Variants in ZMYM1 observed in about 807,000 individuals in gnomAD.
The protein encoded by ZMYM1 is zinc finger MYM-type protein 1.
In ZMYM1, 39 loss-of-function variants were observed where a neutral mutation model predicts 60.0. The observed-to-expected ratio is 0.65, with a 90% CI of 0.50 to 0.85. The LOEUF is 0.85. Among genes scored for constraint, ZMYM1 ranks in the 40% least tolerant of loss-of-function variants. The pLI is 0.00. For synonymous variants in ZMYM1, 413 were observed against 454.0 expected (o/e 0.91, Z 1.15); for missense variants, 1,171 against 1,309.5 (o/e 0.89, Z 1.63).
chr1:35,105,679 C>A (rs187248070), intron 6 of ZMYM1, among the ~76,000 whole-genome samples: 1 of 152,048 alleles, frequency 6.6e-6, no homozygotes, highest in Non-Finnish European at 1.5e-5. Flanking sequence ...AATCATGGCT[C>A]ACTGTAGCCT....
intron 1 of ZMYM1, among the ~76,000 whole-genome samples, chr1:35,070,863 A>G (rs2148478332): frequency 6.6e-6 from 1 of 151,098 alleles, no homozygotes; most frequent in East Asian, 1.9e-4. Flanking sequence ...CTTTTTCTGC[A>G]TATATTGAAA....
chr1:35,065,658 A>G (rs1349042893), intron 1 of ZMYM1, among the ~76,000 whole-genome samples: 1 of 146,416 alleles, frequency 6.8e-6, no homozygotes, highest in Non-Finnish European at 1.5e-5. Context: ...AAGAAGTTAG[A>G]AAAAAAAAAG....
chr1:35,087,149 C>G (rs1642702644), intron 1 of ZMYM1, among the ~76,000 whole-genome samples: 1 of 151,434 alleles, frequency 6.6e-6, no homozygotes, highest in African/African-American at 2.4e-5. Context: ...TGCCACCACA[C>G]CTGACTAATT....
At position 35,087,678 on chromosome 1, in the gene ZMYM1, T is replaced by C. The variant is rs188756791; in HGVS notation, c.-74-6236T>C. On this transcript the variant is annotated intron_variant, in intron 1 of 9. Transcript: ENST00000359858. ...CCCAACCTCAGGTGATCAGCCCGCG[T>C]TGGCCTCCCAAAGTTCTGGGATTAC... Among the ~76,000 whole-genome samples, 587 of 152,214 alleles carry C rather than the reference T, an allele frequency of 3.9e-3. 1 individual carries two copies. The highest frequency in any genetic ancestry group is 0.01 in the Middle Eastern group (3 of 294).
Position 35,062,639 on chromosome 1 carries a change from C to A in ZMYM1, c.-301+2714C>A, listed in dbSNP as rs536018740. ...TGGGCAAATCACTTGCCATTTAAAGCCTTAAATTCTTATCTAATAAATACA... is the reference window on the plus strand; with the variant it reads ...TGGGCAAATCACTTGCCATTTAAAGACTTAAATTCTTATCTAATAAATACA... On this transcript the variant is annotated intron_variant, in intron 1 of 10. Coordinates refer to the ZMYM1 transcript ENST00000417119. Among the ~76,000 whole-genome samples, 4 of 152,290 alleles carry A rather than the reference C, an allele frequency of 2.6e-5. No homozygotes were observed. The East Asian group carries it at 5.8e-4, about 22-fold the overall frequency.
chr1:35,062,422 G>A (rs954943905), intron 1 of ZMYM1, among the ~76,000 whole-genome samples: 31 of 152,198 alleles, frequency 2.0e-4, no homozygotes, highest in African/African-American at 7.0e-4. Flanking sequence ...AGTAATGAAG[G>A]TGATACTATC....
chr1:35,117,465 G>A (rs1644261030), downstream of ZMYM1, among the ~76,000 whole-genome samples: 1 of 151,836 alleles, frequency 6.6e-6, no homozygotes, highest in Non-Finnish European at 1.5e-5. Flanking sequence ...GATTACAGGT[G>A]CCCACCACCA....
intron 4 of ZMYM1, among the ~76,000 whole-genome samples, chr1:35,102,989 T>G (rs1643736830): frequency 6.6e-6 from 1 of 152,228 alleles, no homozygotes; most frequent in Non-Finnish European, 1.5e-5. Flanking sequence ...GAATTTTTTT[T>G]GGCAGTGAAT....
Position 35,113,110 on chromosome 1 carries a change from ATATGAAATC to A in ZMYM1, c.1288_1296del (p.Ser430_Lys432del). The A allele has an allele frequency of 5.0e-6, 8 of 1,614,078 alleles. No homozygotes were observed. Among genetic ancestry groups the A allele is most frequent in the Non-Finnish European group, 6.8e-6 (8 of 1,179,980 alleles). ...TCCAGTACAGAAGTACAAAAAGACA[ATATGAAATC>A]TATGAAAATAAGTGATGAACTATGT... On this transcript the variant is annotated inframe_deletion, in exon 10 of 10. Coordinates refer to ENST00000359858, the MANE Select transcript of ZMYM1 (RefSeq NM_024772.5).
At chr1:35,070,342 C>T (rs763322677) in intron 1 of ZMYM1, among the ~76,000 whole-genome samples, 1 of 151,874 alleles carries the variant, frequency 6.6e-6, no homozygotes, top group Admixed American at 6.6e-5. Flanking sequence ...TTTTTTGTAG[C>T]GATTATAAAT....
intron 1 of ZMYM1, among the ~76,000 whole-genome samples, chr1:35,073,920 A>G (rs926415306): frequency 6.6e-6 from 1 of 151,894 alleles, no homozygotes; most frequent in African/African-American, 2.4e-5. Context: ...CTCAGCTGGG[A>G]TTACAAGTGT....
intron 1 of ZMYM1, among the ~76,000 whole-genome samples, chr1:35,060,170 A>G (rs1471806984): frequency 6.7e-6 from 1 of 148,534 alleles, no homozygotes; most frequent in East Asian, 2.0e-4. Flanking sequence ...TATTATTATT[A>G]TTATTATTAT....
chr1:35,110,260 C>G (rs763293636), intron 6 of ZMYM1, 34 bp from the exon 7 acceptor site: 2 of 1,391,552 alleles, frequency 1.4e-6, no homozygotes, highest in Non-Finnish European at 1.9e-6. Context: ...TATCATATAC[C>G]AGGAATATGA....
chr1:35,071,917 T>A (rs1642074537), intron 1 of ZMYM1, among the ~76,000 whole-genome samples: 1 of 152,160 alleles, frequency 6.6e-6, no homozygotes, highest in African/African-American at 2.4e-5. Context: ...GGCGGGCAGA[T>A]CATCTGAGGT....
rs1203301160 is a variant in ZMYM1, at chr1:35,113,250, G to T, written c.1420G>T (p.Val474Leu). The T allele has an allele frequency of 6.8e-6, 11 of 1,613,130 alleles. No individual in the cohort carries two copies. The highest frequency in any genetic ancestry group is 9.3e-6 in the Non-Finnish European group (11 of 1,179,194). Residue 474 changes from valine to leucine, a missense_variant, in exon 10 of 10, where the codon GTG (valine) becomes TTG (leucine). Val to Leu is a conservative substitution (Grantham distance 32, BLOSUM62 1). Coordinates refer to ENST00000359858, the MANE Select transcript of ZMYM1 (RefSeq NM_024772.5). ...GTGTTTGGAAAACAGTAAAAAAGATGTGGCATTCTGTTATTCATGCCAGTT... is the reference window on the plus strand; with the variant it reads ...GTGTTTGGAAAACAGTAAAAAAGATTTGGCATTCTGTTATTCATGCCAGTT... The part of the protein sequence containing the change: ...FECLENSKKD[V>L]AFCYSCQLFC...
intron 1 of ZMYM1, among the ~76,000 whole-genome samples, chr1:35,084,504 C>T (rs149201997): frequency 4.0e-4 from 61 of 152,324 alleles, no homozygotes; most frequent in Non-Finnish European, 7.6e-4. Flanking sequence ...GATTATAGGT[C>T]TTGTTAAGAC....
At chr1:35,073,336 A>AG (rs776306122) in intron 1 of ZMYM1, among the ~76,000 whole-genome samples, 11,930 of 105,680 alleles carry the variant, frequency 0.11, 632 homozygotes, top group East Asian at 0.36. Flanking sequence ...GGAGAAAGAA[A>AG]GAAAGGAAGG....
intron 1 of ZMYM1, among the ~76,000 whole-genome samples, chr1:35,064,757 G>A (rs1160945457): frequency 6.8e-6 from 1 of 147,926 alleles, no homozygotes; most frequent in East Asian, 2.0e-4. Flanking sequence ...CGTGATCTCG[G>A]CTCACTGCAA....
In ZMYM1 at chr1:35,110,420, A is replaced by G. The variant is rs746212259; in HGVS notation, c.934A>G (p.Ser312Gly). 6.5e-7 allele frequency: 1 copy of G among 1,545,794 alleles called. No individual in the cohort carries two copies. The highest frequency in any genetic ancestry group is 1.3e-5 in the South Asian group (1 of 78,054). ...FCSINCFSAY[S>G]KAKMESSSVS... ...CTCTATTAATTGTTTCTCTGCATAC[A>G]GTAAAGCTAAGATGGAATCTTCTTC... The change falls in exon 7 of 10, where the codon AGT becomes GGT. Residue 312 changes from serine (S) to glycine (G), a missense_variant. Coordinates refer to ENST00000359858, the MANE Select transcript of ZMYM1 (RefSeq NM_024772.5).
Sources: allele counts gnomAD v4.1 joint callset (sites outside exome capture counted in the v4.1 genomes callset), GRCh38; gene constraint gnomAD v4.1.1; transcripts MANE v1.5; gene names NCBI Gene and HGNC (gene_info 2026-07-23, HGNC 2026-07-21).